BNC2: variants seen among roughly 807,000 people sequenced by gnomAD.
The protein encoded by BNC2 is zinc finger protein basonuclin-2.
BNC2 carries 20 observed loss-of-function variants against 76.3 expected under a neutral mutation model. That is an observed-to-expected ratio of 0.26 (90% CI 0.18 to 0.38). The LOEUF is 0.38. Among genes scored for constraint, BNC2 ranks in the 10% least tolerant of loss-of-function variants. The probability of loss-of-function intolerance (pLI) is 1.00; values close to 1 mark genes in which losing one functional copy is unlikely to be tolerated. For missense variants in BNC2, 1,382 were observed against 1,399.8 expected, an observed-to-expected ratio of 0.99 and a Z score of 0.20; for synonymous variants, 582 against 514.8, an observed-to-expected ratio of 1.13 and a Z score of -1.77.
At chr9:16,708,902 G>C (rs1409704169) in intron 3 of BNC2, among the ~76,000 whole-genome samples, 1 of 152,168 alleles carries the variant, frequency 6.6e-6, no homozygotes, top group African/African-American at 2.4e-5. Context: ...GTAGATGTCA[G>C]GGGACTCAGA....
intron 3 of BNC2, among the ~76,000 whole-genome samples, chr9:16,598,568 G>T (rs574889346): frequency 4.1e-4 from 62 of 152,308 alleles, no homozygotes; most frequent in African/African-American, 1.5e-3. Flanking sequence ...ACGGGGAAGA[G>T]ACGTTTTGGA....
chr9:16,493,390 A>G (rs1297015118), intron 5 of BNC2, among the ~76,000 whole-genome samples: 2 of 152,206 alleles, frequency 1.3e-5, no homozygotes, highest in Non-Finnish European at 2.9e-5. Flanking sequence ...AAATGATTTG[A>G]ATTTTTAATT....
At chr9:16,647,188 T>G (rs1821654338) in intron 3 of BNC2, among the ~76,000 whole-genome samples, 1 of 152,168 alleles carries the variant, frequency 6.6e-6, no homozygotes, top group Non-Finnish European at 1.5e-5. Flanking sequence ...TGTTGAGATT[T>G]GGGCACAGCA....
Position 16,548,406 on chromosome 9 carries a change from T to TCTTCG in BNC2, c.669+4123_669+4124insCGAAG, listed in dbSNP as rs34876908. Among the ~76,000 whole-genome samples the TCTTCG allele has an allele frequency of 2.7e-4, 39 of 142,670 alleles. No homozygotes were observed. The East Asian group carries it at 3.3e-3, about 12-fold the overall frequency. 93.6% of individuals were successfully genotyped at this position (142,670 alleles called of 152,430 possible). A position where few individuals can be genotyped will look rare whatever the true frequency, so the allele number is the denominator to read the frequency against. On this transcript the variant is annotated intron_variant, in intron 5 of 6. Coordinates refer to ENST00000380672, the MANE Select transcript of BNC2 (RefSeq NM_017637.6). ...GAATTCTTCTTCTTCTTCTTCTTCGTTTTTTTTTTTTTCTTTCGAGATGGA... is the reference window on the plus strand; with the variant it reads ...GAATTCTTCTTCTTCTTCTTCTTCGTCTTCGTTTTTTTTTTTTCTTTCGAGATGGA...
intron 3 of BNC2, among the ~76,000 whole-genome samples, chr9:16,690,582 G>A (rs575551410): frequency 2.2e-4 from 33 of 152,264 alleles, no homozygotes; most frequent in African/African-American, 6.3e-4. Context: ...TTTCAAGGAT[G>A]GAATGACCAG....
intron 3 of BNC2, among the ~76,000 whole-genome samples, chr9:16,599,094 T>A (rs1820172936): frequency 6.6e-6 from 1 of 152,212 alleles, no homozygotes. Flanking sequence ...CATTCATCCC[T>A]TCATTTGCTA....
In BNC2 at chr9:16,552,585, A is replaced by G. The variant is rs1818698149; in HGVS notation, c.614T>C (p.Ile205Thr). 1.9e-6 allele frequency: 3 copies of G among 1,614,236 alleles called. No individual in the cohort carries two copies. The highest frequency in any genetic ancestry group is 2.5e-6 in the Non-Finnish European group (3 of 1,180,040). Reference sequence around the variant, plus strand: ...CAGAGTCCAGCCAAGGCCGTGCAGTATGTGCAGTACCTCCTCTTGCTTCAG... The same window carrying G: ...CAGAGTCCAGCCAAGGCCGTGCAGTGTGTGCAGTACCTCCTCTTGCTTCAG... ...SVLKQEEVLH[I>T]LHGLGWTLRD... is the part of the protein sequence containing the mutation. Residue 205 changes from isoleucine (I) to threonine (T), a missense_variant, in exon 5 of 7, where the codon ATA (isoleucine) becomes ACA (threonine). By Grantham distance (89) the Ile-to-Thr change is moderately conservative. Around this residue, in one of 3 missense-constraint regions of BNC2, gnomAD observed 557 missense variants for 540.9 expected, o/e 1.03. Coordinates refer to ENST00000380672, the MANE Select transcript of BNC2 (RefSeq NM_017637.6).
intron 3 of BNC2, among the ~76,000 whole-genome samples, chr9:16,637,374 G>A (rs891434406): frequency 1.3e-5 from 2 of 152,170 alleles, no homozygotes; most frequent in Non-Finnish European, 2.9e-5. Flanking sequence ...CATTCTTACA[G>A]TGTAAACACA....
intron 4 of BNC2, among the ~76,000 whole-genome samples, chr9:16,573,123 G>A (rs1418566349): frequency 6.6e-6 from 1 of 151,518 alleles, no homozygotes; most frequent in East Asian, 1.9e-4. Flanking sequence ...AGCTACTCAG[G>A]AGGCTGAGGT....
At chr9:16,750,854 G>A (rs1272846401) in intron 1 of BNC2, among the ~76,000 whole-genome samples, 1 of 152,220 alleles carries the variant, frequency 6.6e-6, no homozygotes. Flanking sequence ...GTGAATGAAT[G>A]AACACAAGAT....
At position 16,575,517 on chromosome 9, in the gene BNC2, C is replaced by A. The variant is rs374376158; in HGVS notation, c.433+7466G>T. 18 of 852,300 alleles carry A rather than the reference C, an allele frequency of 2.1e-5. No individual in the cohort carries two copies. The East Asian group carries it at 9.8e-4, about 47-fold the overall frequency. 52.8% of individuals were successfully genotyped at this position (852,300 alleles called of 1,614,324 possible). A position where few individuals can be genotyped will look rare whatever the true frequency, so the allele number is the denominator to read the frequency against. On this transcript the variant is annotated intron_variant, in intron 4 of 6. Coordinates refer to ENST00000380672, the MANE Select transcript of BNC2 (RefSeq NM_017637.6). ...AGAAAATTTAAGGAGTGCAAAGCAC[C>A]ATCCAAAAAGTGTGCAGGCTGAGAA...
chr9:16,462,499 A>C (rs566128144), intron 5 of BNC2, among the ~76,000 whole-genome samples: 46 of 152,244 alleles, frequency 3.0e-4, no homozygotes, highest in Non-Finnish European at 4.8e-4. Flanking sequence ...CAAAATGATT[A>C]ACACGAAGAG....
intron 3 of BNC2, among the ~76,000 whole-genome samples, chr9:16,595,698 A>C (rs1264973528): frequency 1.3e-5 from 2 of 152,156 alleles, no homozygotes. Flanking sequence ...TGCTGAAAAA[A>C]AATTATTCTC....
intron 4 of BNC2, among the ~76,000 whole-genome samples, chr9:16,561,516 T>C (rs1477061360): frequency 1.3e-5 from 2 of 152,144 alleles, no homozygotes; most frequent in African/African-American, 4.8e-5. Flanking sequence ...TGCAGTTCCA[T>C]ATTTACTCTA....
Position 16,738,405 on chromosome 9 carries a change from T to A in BNC2, c.84A>T (p.Ala28=), listed in dbSNP as rs76485966. 0.011 allele frequency: 17,873 copies of A among 1,614,074 alleles called. 549 individuals are homozygous for A. The highest frequency in any genetic ancestry group is 0.084 in the African/African-American group (6,278 of 75,014). ...CCCCACAACATGGGACCTTGAAATA[T>A]GCTGGCCAGTCTTGCTCACTAAGCC... ...EDRLSEQDWP[A]YFKVPCCGVD... Residue 28 remains alanine, a synonymous_variant, in exon 2 of 7, where the codon GCA becomes GCT. Coordinates refer to ENST00000380672, the MANE Select transcript of BNC2 (RefSeq NM_017637.6).
chr9:16,529,033 C>A (rs1817897919), intron 5 of BNC2, among the ~76,000 whole-genome samples: 1 of 152,184 alleles, frequency 6.6e-6, no homozygotes, highest in Admixed American at 6.5e-5. Flanking sequence ...CTTCCGGAGG[C>A]TCTGCCGCCA....
At chr9:16,804,036 G>A (rs908917994) in intron 1 of BNC2, among the ~76,000 whole-genome samples, 1 of 152,120 alleles carries the variant, frequency 6.6e-6, no homozygotes, top group Admixed American at 6.5e-5. Context: ...TGAAAAACAA[G>A]GAAATACTTT....
At chr9:16,775,391 C>T (rs1221225468) in intron 1 of BNC2, among the ~76,000 whole-genome samples, 2 of 59,668 alleles carry the variant, frequency 3.4e-5, no homozygotes, top group East Asian at 6.6e-4. Flanking sequence ...ACACTGATTT[C>T]GTTATTAAAA....
intron 1 of BNC2, among the ~76,000 whole-genome samples, chr9:16,827,998 G>T (rs1049916381): frequency 6.6e-6 from 1 of 152,114 alleles, no homozygotes; most frequent in African/African-American, 2.4e-5. Context: ...ATTATAAACT[G>T]AAAGCAGTAT....
Sources: gnomAD v4.1 joint callset for allele counts (sites outside exome capture counted in the v4.1 genomes callset) on GRCh38, gnomAD v4.1.1 for gene constraint, gnomAD v4.1.1 regional missense constraint, MANE v1.5 for transcripts, NCBI Gene and HGNC (gene_info 2026-07-23, HGNC 2026-07-21) for gene names.